Variants in TBCK observed in about 807,000 individuals in gnomAD.
TBCK encodes TBC1 domain containing kinase, also known as TBC domain-containing protein kinase-like protein.
Under a neutral mutation model 113.4 loss-of-function variants are expected in TBCK, and 99 were observed. The observed-to-expected ratio is 0.87, with a 90% CI of 0.74 to 1.03. The LOEUF (loss-of-function observed/expected upper bound fraction) is 1.03. Among genes scored for constraint, TBCK ranks in the 50% least tolerant of loss-of-function variants. The probability of loss-of-function intolerance (pLI) is 0.00; values close to 1 mark genes in which losing one functional copy is unlikely to be tolerated. For missense variants in TBCK, 1,045 were observed against 1,061.3 expected, an observed-to-expected ratio of 0.98 and a Z score of 0.21; for synonymous variants, 369 against 370.8, an observed-to-expected ratio of 1.00 and a Z score of 0.05.
chr4:106,043,186 T>C lies in TBCK; in HGVS notation c.*3384A>G, dbSNP rs1270841648. 9 of 152,310 alleles carry C rather than the reference T, an allele frequency of 5.9e-5. No homozygotes were observed. The highest frequency in any genetic ancestry group is 2.0e-4 in the Admixed American group (3 of 15,300). The allele number at this position is 152,310 out of a possible 1,614,324, so 9.4% of individuals were successfully genotyped here. A position where few individuals can be genotyped will look rare whatever the true frequency, so the allele number is the denominator to read the frequency against. The stretch of plus-strand genomic sequence containing the variant: ...GGTTAAGCATTAGTTATTTTTAATA[T>C]GCTTTTTGAATCTAACATTTCTGTA... On this transcript the variant is annotated 3_prime_UTR_variant, in exon 26 of 26. Coordinates refer to ENST00000394708, the MANE Select transcript of TBCK (RefSeq NM_001163435.3).
At chr4:106,291,634 A>G (rs1765722993) in intron 3 of TBCK, among the ~76,000 whole-genome samples, 1 of 152,242 alleles carries the variant, frequency 6.6e-6, no homozygotes, top group African/African-American at 2.4e-5. Flanking sequence ...ACTGAAAGCC[A>G]CCACTTCATC....
chr4:106,050,210 C>T (rs1262655917), intron 25 of TBCK, among the ~76,000 whole-genome samples: 1 of 151,876 alleles, frequency 6.6e-6, no homozygotes, highest in Non-Finnish European at 1.5e-5. Context: ...CATTCAATAA[C>T]TAAGACTCAG....
intron 20 of TBCK, among the ~76,000 whole-genome samples, chr4:106,197,396 T>TG (rs1243579220): frequency 3.0e-5 from 3 of 99,818 alleles, no homozygotes; most frequent in African/African-American, 9.0e-5. Context: ...AGTGTGTGTG[T>TG]GTGTGTGTGT....
chr4:106,250,418 C>A lies in TBCK; in HGVS notation c.658G>T (p.Asp220Tyr). Residue 220 changes from aspartate to tyrosine, a missense_variant and splice_region_variant, in exon 7 of 26, where the codon GAT becomes TAT. By Grantham distance (160) the Asp-to-Tyr change is radical. Coordinates refer to ENST00000394708, the MANE Select transcript of TBCK (RefSeq NM_001163435.3). ...AGATAAGCAATTGTACGACACTTAC[C>A]CAAAGTAAGCAAAAATTTTAGTCTT... The part of the protein sequence containing the change: ...SERLKFLLTL[D>Y]CVDDTLIVLA... The A allele has an allele frequency of 6.4e-7, 1 of 1,557,770 alleles. No individual in the cohort carries two copies. The highest frequency in any genetic ancestry group is 8.8e-7 in the Non-Finnish European group (1 of 1,139,502).
chr4:106,275,890 A>G (rs1240402108), intron 3 of TBCK, among the ~76,000 whole-genome samples: 2 of 152,160 alleles, frequency 1.3e-5, no homozygotes, highest in African/African-American at 4.8e-5. Context: ...AGATGCCAAC[A>G]GAAATTTTAG....
At chr4:106,221,460 G>A (rs1213159492) in intron 19 of TBCK, among the ~76,000 whole-genome samples, 1 of 152,052 alleles carries the variant, frequency 6.6e-6, no homozygotes, top group Non-Finnish European at 1.5e-5. Context: ...GCTCAGGACA[G>A]GCTTTCAAAT....
intron 20 of TBCK, among the ~76,000 whole-genome samples, chr4:106,201,096 G>A (rs899916909): frequency 2.2e-4 from 33 of 151,884 alleles, no homozygotes; most frequent in African/African-American, 8.0e-4. Context: ...AATGATATTT[G>A]AAAAGTAATA....
At chr4:106,176,342 C>T (rs1751668362) in intron 22 of TBCK, among the ~76,000 whole-genome samples, 1 of 152,026 alleles carries the variant, frequency 6.6e-6, no homozygotes, top group Non-Finnish European at 1.5e-5. Flanking sequence ...GCCCATTCTT[C>T]TTAGCCTCTA....
In TBCK at chr4:106,185,517, CTA is replaced by C. The variant is rs567023907; in HGVS notation, c.2059+8090_2059+8091del. 1.2e-4 allele frequency among the ~76,000 whole-genome samples: 19 copies of C among 152,188 alleles called. No homozygotes were observed. The South Asian group carries it at 3.9e-3, about 32-fold the overall frequency. On this transcript the variant is annotated intron_variant, in intron 22 of 25. Coordinates refer to ENST00000394708, the MANE Select transcript of TBCK (RefSeq NM_001163435.3). The stretch of plus-strand genomic sequence containing the variant: ...ATGTTTAATCATTCTATTTCTGCTT[CTA>C]TAATTCTGCTTTAGATGGCTCATAT...
chr4:106,165,049 TAAC>T (rs1165516911), intron 23 of TBCK, among the ~76,000 whole-genome samples: 2 of 151,792 alleles, frequency 1.3e-5, no homozygotes, highest in East Asian at 1.9e-4. Context: ...TCAAAGAACT[TAAC>T]AATAATTATT....
At chr4:106,085,216 C>T (rs2149497849) in intron 25 of TBCK, among the ~76,000 whole-genome samples, 1 of 152,082 alleles carries the variant, frequency 6.6e-6, no homozygotes, top group South Asian at 2.1e-4. Context: ...TATGTGCAGA[C>T]ATACACAGGC....
chr4:106,295,956 T>C (rs908189316), intron 2 of TBCK, among the ~76,000 whole-genome samples: 32 of 152,160 alleles, frequency 2.1e-4, no homozygotes, highest in Admixed American at 1.8e-3. Context: ...GGGAAAAAAA[T>C]GCATATTTAA....
chr4:106,222,854 T>C (rs1202665088), intron 19 of TBCK, among the ~76,000 whole-genome samples: 2 of 152,188 alleles, frequency 1.3e-5, no homozygotes, highest in East Asian at 3.9e-4. Context: ...CACCAACTTT[T>C]ATAACTAAGT....
chr4:106,206,381 G>C (rs1005730830), intron 20 of TBCK, among the ~76,000 whole-genome samples: 2 of 152,108 alleles, frequency 1.3e-5, no homozygotes, highest in African/African-American at 2.4e-5. Context: ...TCTAAAATCT[G>C]GGCACTTTCT....
Position 106,171,220 on chromosome 4 carries a change from T to A in TBCK, c.2110A>T (p.Thr704Ser). ...TGTCTGTAAGTAGCACTTTTAGGAG[T>A]CCAACAAAACAGGTTGATAGATTCT... ...VRESINLFCWTPKSATYRQHA... is the reference protein window; with the variant it reads ...VRESINLFCWSPKSATYRQHA... The change falls in exon 23 of 26, where the codon ACT becomes TCT. Residue 704 changes from threonine (T) to serine (S), a missense_variant. Coordinates refer to ENST00000394708, the MANE Select transcript of TBCK (RefSeq NM_001163435.3). 1.2e-6 allele frequency: 2 copies of A among 1,612,234 alleles called. No individual in the cohort carries two copies.
intron 20 of TBCK, among the ~76,000 whole-genome samples, chr4:106,199,815 C>T (rs143976156): frequency 9.2e-5 from 14 of 152,266 alleles, no homozygotes; most frequent in Middle Eastern, 3.4e-3. Context: ...TTGATTCGAG[C>T]CAACATTATC....
chr4:106,104,915 T>C (rs1157173318), intron 24 of TBCK, among the ~76,000 whole-genome samples: 2 of 152,160 alleles, frequency 1.3e-5, no homozygotes, highest in African/African-American at 4.8e-5. Flanking sequence ...TACAGAAAAG[T>C]GGGCAGACTA....
rs905531354 is a variant in TBCK at position 106,186,253 on chromosome 4, A to G, written c.2059+7356T>C. ...TAATCCTTTGGGTATATGCCTAGTA[A>G]TGGGATTGTTGGGTTGAATGGAAGC... On this transcript the variant is annotated intron_variant, in intron 22 of 25. Coordinates refer to ENST00000394708, the MANE Select transcript of TBCK (RefSeq NM_001163435.3). Among the ~76,000 whole-genome samples the G allele has an allele frequency of 2.6e-5, 4 of 152,124 alleles. 1 individual carries two copies. Among genetic ancestry groups the G allele is most frequent in the Non-Finnish European group, 5.9e-5 (4 of 68,024 alleles).
chr4:106,297,216 C>T (rs1366723941), intron 2 of TBCK, among the ~76,000 whole-genome samples: 1 of 152,140 alleles, frequency 6.6e-6, no homozygotes, highest in Non-Finnish European at 1.5e-5. Context: ...AAACTCTCTT[C>T]TGAACTGCAG....
Sources: gnomAD v4.1 joint callset for allele counts (sites outside exome capture counted in the v4.1 genomes callset) on GRCh38, gnomAD v4.1.1 for gene constraint, MANE v1.5 for transcripts, NCBI Gene and HGNC (gene_info 2026-07-23, HGNC 2026-07-21) for gene names.